Variants in RUFY1 observed in about 807,000 individuals in gnomAD.
The protein encoded by RUFY1 is RUN and FYVE domain-containing protein 1.
A neutral mutation model predicts 94.6 loss-of-function variants in RUFY1; 54 were observed. The observed-to-expected ratio is 0.57, with a 90% CI of 0.46 to 0.72. The LOEUF is 0.72. Ranked by LOEUF, RUFY1 falls within the 30% of genes least tolerant of loss-of-function variation. The pLI, the probability that RUFY1 is intolerant of heterozygous loss-of-function variation, is 0.00. For missense variants in RUFY1, 883 were observed against 883.9 expected, an observed-to-expected ratio of 1.00 and a Z score of 0.01; for synonymous variants, 396 against 347.3, an observed-to-expected ratio of 1.14 and a Z score of -1.56.
intron 4 of RUFY1, among the ~76,000 whole-genome samples, chr5:179,568,275 A>G (rs1255583961): frequency 1.3e-5 from 2 of 152,178 alleles, no homozygotes; most frequent in African/African-American, 4.8e-5. Flanking sequence ...TAAGTATATA[A>G]TATTTACAGA....
chr5:179,582,388 G>A (rs1159033922), intron 7 of RUFY1, among the ~76,000 whole-genome samples: 1 of 151,956 alleles, frequency 6.6e-6, no homozygotes, highest in Admixed American at 6.6e-5. Flanking sequence ...ACTACACCTG[G>A]CTAATTTTTT....
chr5:179,596,762 T>C, intron 13 of RUFY1, 81 bp downstream of exon 13: 1 of 430,410 alleles, frequency 2.3e-6, no homozygotes. Context: ...GTATCCTGCT[T>C]CAGCACGAAC....
In RUFY1 at chr5:179,580,247, T is replaced by TATATATATATA. The variant is rs1186486577; in HGVS notation, c.891-700_891-699insATATATATATA. On this transcript the variant is annotated intron_variant, in intron 6 of 17. Transcript: ENST00000319449. Reference sequence around the variant, plus strand: ...TGTGTGTGTGTGTGTGTGTGTATATTTTTTTTTTTTTTTGAGACGGAGTCT... The same window carrying TATATATATATA: ...TGTGTGTGTGTGTGTGTGTGTATATTATATATATATATTTTTTTTTTTTTGAGACGGAGTCT... Among the ~76,000 whole-genome samples the TATATATATATA allele has an allele frequency of 2.7e-3, 125 of 47,084 alleles. 2 individuals carry two copies. Among genetic ancestry groups the TATATATATATA allele is most frequent in the South Asian group, 6.2e-3 (14 of 2,250 alleles). 30.9% of individuals were successfully genotyped at this position (47,084 alleles called of 152,430 possible). A position where few individuals can be genotyped will look rare whatever the true frequency, so the allele number is the denominator to read the frequency against.
chr5:179,573,922 A>G (rs921576802), intron 5 of RUFY1, among the ~76,000 whole-genome samples: 16 of 152,144 alleles, frequency 1.1e-4, no homozygotes, highest in African/African-American at 3.9e-4. Flanking sequence ...ATATAATTGA[A>G]CTAATTCATA....
At chr5:179,608,477 G>A in intron 17 of RUFY1, 1 of 985,532 alleles carries the variant, frequency 1.0e-6, no homozygotes, top group Non-Finnish European at 1.2e-6. Flanking sequence ...TGCTCATCTT[G>A]ATGTCTTATC....
Position 179,550,562 on chromosome 5 carries a change from C to G in RUFY1, c.-8C>G. On this transcript the variant is annotated 5_prime_UTR_variant, in exon 1 of 18. Coordinates refer to ENST00000319449, the MANE Select transcript of RUFY1 (RefSeq NM_025158.5). ...CGCCCGCCCGCTGGGTCACATGACACGGCCAAGATGGCCGACCGGGAAGGC... is the reference window on the plus strand; with the variant it reads ...CGCCCGCCCGCTGGGTCACATGACAGGGCCAAGATGGCCGACCGGGAAGGC... 1 of 1,284,740 alleles carries G rather than the reference C, an allele frequency of 7.8e-7. No homozygotes were observed. Among genetic ancestry groups the G allele is most frequent in the Non-Finnish European group, 9.8e-7 (1 of 1,017,268 alleles). 79.6% of individuals were successfully genotyped at this position (1,284,740 alleles called of 1,614,324 possible). A position where few individuals can be genotyped will look rare whatever the true frequency, so the allele number is the denominator to read the frequency against.
At chr5:179,572,626 C>A in intron 5 of RUFY1, 2 of 209,850 alleles carry the variant, frequency 9.5e-6, no homozygotes, top group South Asian at 1.6e-4. Context: ...TGCAGCTGGT[C>A]CAGGCATTCC....
At chr5:179,580,737 T>C (rs917243220) in intron 6 of RUFY1, among the ~76,000 whole-genome samples, 1 of 152,056 alleles carries the variant, frequency 6.6e-6, no homozygotes, top group Non-Finnish European at 1.5e-5. Flanking sequence ...CCCACTCTCC[T>C]GGCAGCCTGG....
At chr5:179,565,225 C>T (rs1762755733) in intron 3 of RUFY1, among the ~76,000 whole-genome samples, 4 of 125,134 alleles carry the variant, frequency 3.2e-5, no homozygotes, top group South Asian at 5.4e-4. Flanking sequence ...CCAGCCCAGG[C>T]TGGAGTGCAG....
intron 14 of RUFY1, among the ~76,000 whole-genome samples, chr5:179,601,149 G>A (rs981942708): frequency 2.6e-5 from 4 of 151,684 alleles, no homozygotes; most frequent in African/African-American, 9.7e-5. Context: ...ATTAATACAG[G>A]ACTGCATTTT....
chr5:179,583,911 A>G (rs1411884048), intron 7 of RUFY1, among the ~76,000 whole-genome samples: 1 of 147,454 alleles, frequency 6.8e-6, no homozygotes, highest in Non-Finnish European at 1.5e-5. Flanking sequence ...CACCATGCCC[A>G]GCTAATTTTT....
chr5:179,560,905 T>C (rs1242295982), intron 2 of RUFY1, among the ~76,000 whole-genome samples: 1 of 151,580 alleles, frequency 6.6e-6, no homozygotes, highest in Non-Finnish European at 1.5e-5. Flanking sequence ...TCAACACATA[T>C]TCAATATTTA....
At chr5:179,553,744 C>T (rs1481194177) in intron 1 of RUFY1, among the ~76,000 whole-genome samples, 1 of 152,136 alleles carries the variant, frequency 6.6e-6, no homozygotes, top group Non-Finnish European at 1.5e-5. Flanking sequence ...GAGCCGAGAC[C>T]ATTCCACTGC....
At position 179,567,823 on chromosome 5, in the gene RUFY1, G is replaced by A. The variant is rs559979044; in HGVS notation, c.704+261G>A. 4.6e-5 allele frequency among the ~76,000 whole-genome samples: 7 copies of A among 152,294 alleles called. No homozygotes were observed. The East Asian group carries it at 1.2e-3, about 25-fold the overall frequency. On this transcript the variant is annotated intron_variant, in intron 4 of 17. Coordinates refer to ENST00000319449, the MANE Select transcript of RUFY1 (RefSeq NM_025158.5). Reference sequence around the variant, plus strand: ...GAAGGCTGAGGCAGGAGAATCGCTCGAACCCGCGAGGCGGAGGTTGCAGTG... The same window carrying A: ...GAAGGCTGAGGCAGGAGAATCGCTCAAACCCGCGAGGCGGAGGTTGCAGTG...
chr5:179,550,937 C>T (rs1427752329), intron 1 of RUFY1, 58 bp downstream of exon 1: 6 of 1,025,228 alleles, frequency 5.9e-6, no homozygotes, highest in South Asian at 4.6e-5. Context: ...TGGCCGCCGG[C>T]GCGGGCGCGG....
intron 12 of RUFY1, 21 bp from the exon 13 acceptor site, chr5:179,596,541 T>C (rs1174758396): frequency 1.9e-6 from 3 of 1,613,586 alleles, no homozygotes; most frequent in Non-Finnish European, 2.5e-6. Flanking sequence ...TCATTTGCAC[T>C]CTTGCTGGTG....
At chr5:179,580,334 C>T (rs1449253669) in intron 6 of RUFY1, among the ~76,000 whole-genome samples, 2 of 151,020 alleles carry the variant, frequency 1.3e-5, no homozygotes, top group South Asian at 2.1e-4. Flanking sequence ...GCTCCGCCTC[C>T]CGGGTTCACG....
intron 6 of RUFY1, 53 bp downstream of exon 6, chr5:179,577,189 T>TTTTTG (rs1763686511): frequency 4.6e-6 from 4 of 871,328 alleles, no homozygotes; most frequent in Non-Finnish European, 5.0e-6. Context: ...TTTTTTTTTT[T>TTTTTG]GAGACAGAAT....
rs545571074 is a variant in RUFY1 at position 179,560,162 on chromosome 5, G to A, written c.448G>A (p.Val150Ile). The change falls in exon 2 of 18, where the codon GTA (valine) becomes ATA (isoleucine). Residue 150 changes from valine (V) to isoleucine (I), a missense_variant. Transcript: ENST00000319449. ...ADHAPLQQFF[V>I]VMEHCLKHGL... ...CCATGCCCCCTTGCAGCAGTTCTTT[G>A]TAGTGATGGAGCACTGCCTCAAACA... is the stretch of plus-strand genomic sequence containing the variant. 1 of 1,614,060 alleles carries A rather than the reference G, an allele frequency of 6.2e-7. No individual in the cohort carries two copies. The highest frequency in any genetic ancestry group is 8.5e-7 in the Non-Finnish European group (1 of 1,179,992).
Sources: allele counts gnomAD v4.1 joint callset (sites outside exome capture counted in the v4.1 genomes callset), GRCh38; gene constraint gnomAD v4.1.1; transcripts MANE v1.5; gene names NCBI Gene and HGNC (gene_info 2026-07-23, HGNC 2026-07-21).